The following AVEN variants were observed in gnomAD, a reference collection of about 807,000 sequenced individuals.
AVEN encodes cell death regulator Aven.
Under a neutral mutation model 38.1 loss-of-function variants are expected in AVEN, and 41 were observed. That is an observed-to-expected ratio of 1.08 (90% CI 0.84 to 1.40). AVEN has a LOEUF of 1.40. Ranked by LOEUF, AVEN falls within the 40% of genes most tolerant of loss-of-function variation. AVEN has a pLI of 0.00. For synonymous variants in AVEN, 206 were observed against 171.8 expected (o/e 1.20, Z -1.56); for missense variants, 605 against 438.8 (o/e 1.38, Z -3.38).
chr15:33,876,032 C>G, intron 2 of AVEN, 37 bp from the exon 3 acceptor site: 1 of 1,565,760 alleles, frequency 6.4e-7, no homozygotes, highest in Non-Finnish European at 8.7e-7. Flanking sequence ...TATGCAAAAG[C>G]CAACGGAAAC....
intron 2 of AVEN, among the ~76,000 whole-genome samples, chr15:33,886,916 G>A (rs1891726428): frequency 6.6e-6 from 1 of 152,292 alleles, no homozygotes; most frequent in East Asian, 1.9e-4. Context: ...GAGAACCAGA[G>A]CTCCTGCTAT....
intron 1 of AVEN, among the ~76,000 whole-genome samples, chr15:34,019,630 A>T (rs1270554779): frequency 6.6e-6 from 1 of 152,232 alleles, no homozygotes; most frequent in Non-Finnish European, 1.5e-5. Context: ...TCCTATACAC[A>T]GTAATTTTAC....
chr15:33,863,372 C>G (rs1257554483), downstream of AVEN, among the ~76,000 whole-genome samples: 1 of 152,192 alleles, frequency 6.6e-6, no homozygotes, highest in Non-Finnish European at 1.5e-5. Flanking sequence ...ACCTGACGCT[C>G]TATACACTAT....
chr15:33,894,835 T>G (rs200632793), intron 2 of AVEN, among the ~76,000 whole-genome samples: 1 of 38,564 alleles, frequency 2.6e-5, no homozygotes, highest in Non-Finnish European at 6.7e-5. Flanking sequence ...ATAACAATAA[T>G]AATAATAATA....
At chr15:33,929,936 T>C (rs1248976627) in intron 2 of AVEN, among the ~76,000 whole-genome samples, 2 of 152,258 alleles carry the variant, frequency 1.3e-5, no homozygotes, top group Admixed American at 6.5e-5. Context: ...GCTGATGAAA[T>C]AGAAGTATGC....
intron 2 of AVEN, among the ~76,000 whole-genome samples, chr15:33,955,150 T>C (rs1371653726): frequency 6.6e-6 from 1 of 152,240 alleles, no homozygotes; most frequent in African/African-American, 2.4e-5. Context: ...GAAAATACTA[T>C]ACAATCTTTG....
Position 33,914,761 on chromosome 15 carries a change from AT to A in AVEN, c.446-38767del, listed in dbSNP as rs914192704. Among the ~76,000 whole-genome samples the A allele has an allele frequency of 1.1e-4, 17 of 151,354 alleles. No individual in the cohort carries two copies. In the South Asian group the frequency reaches 1.7e-3, roughly 15 times the overall value. The stretch of plus-strand genomic sequence containing the variant: ...CTAGAAATACTGGTATGAACTCATG[AT>A]TTTTTTTTAAAAGTGTAGGTAGAGA... On this transcript the variant is annotated intron_variant, in intron 2 of 5. Coordinates refer to ENST00000306730, the MANE Select transcript of AVEN (RefSeq NM_020371.3).
At chr15:34,008,242 A>G (rs1897450890) in intron 1 of AVEN, among the ~76,000 whole-genome samples, 1 of 151,842 alleles carries the variant, frequency 6.6e-6, no homozygotes, top group Non-Finnish European at 1.5e-5. Context: ...GCAACATAGC[A>G]AGACCCTATC....
At chr15:33,914,380 A>C (rs981218261) in intron 2 of AVEN, among the ~76,000 whole-genome samples, 4 of 152,026 alleles carry the variant, frequency 2.6e-5, no homozygotes, top group Admixed American at 2.0e-4. Context: ...CCTGTACCTA[A>C]CCTATGATAA....
chr15:33,902,824 T>A (rs1307836216), intron 2 of AVEN, among the ~76,000 whole-genome samples: 1 of 151,172 alleles, frequency 6.6e-6, no homozygotes, highest in Non-Finnish European at 1.5e-5. Context: ...CATAAAAAAT[T>A]CTTAGGAATA....
downstream of AVEN, among the ~76,000 whole-genome samples, chr15:33,862,424 C>G (rs914132110): frequency 7.9e-5 from 12 of 151,672 alleles, no homozygotes; most frequent in African/African-American, 2.9e-4. Context: ...CCAGGCTGAT[C>G]TCGAACTCCT....
intron 2 of AVEN, among the ~76,000 whole-genome samples, chr15:33,903,989 T>C (rs1892589669): frequency 6.6e-6 from 1 of 152,210 alleles, no homozygotes. Context: ...GTATTTGTGT[T>C]TCTGAACATA....
intron 2 of AVEN, among the ~76,000 whole-genome samples, chr15:33,989,150 A>G (rs1332090003): frequency 7.1e-6 from 1 of 141,636 alleles, no homozygotes; most frequent in Non-Finnish European, 1.6e-5. Context: ...CCACACAAAC[A>G]CACACAAAAA....
intron 2 of AVEN, among the ~76,000 whole-genome samples, chr15:33,889,366 T>G (rs747712804): frequency 6.6e-6 from 1 of 152,202 alleles, no homozygotes; most frequent in Non-Finnish European, 1.5e-5. Context: ...TCCAGCAGAT[T>G]TCTTGCTTTT....
chr15:34,015,479 C>A (rs1272014077), intron 1 of AVEN, among the ~76,000 whole-genome samples: 1 of 148,780 alleles, frequency 6.7e-6, no homozygotes, highest in Non-Finnish European at 1.5e-5. Context: ...GAGACTCCAT[C>A]TCAAAAAATA....
intron 2 of AVEN, among the ~76,000 whole-genome samples, chr15:33,960,428 T>C (rs1895117481): frequency 1.4e-5 from 2 of 138,426 alleles, no homozygotes; most frequent in South Asian, 2.3e-4. Context: ...CTCGTGTGTG[T>C]GTGTGTTGTG....
intron 2 of AVEN, among the ~76,000 whole-genome samples, chr15:33,977,241 T>C (rs1274393843): frequency 6.6e-6 from 1 of 152,106 alleles, no homozygotes; most frequent in Non-Finnish European, 1.5e-5. Context: ...ACAGGGAAGC[T>C]TGCCTTTAGG....
intron 5 of AVEN, among the ~76,000 whole-genome samples, chr15:34,059,419 A>G (rs941696710): frequency 1.3e-5 from 2 of 152,148 alleles, no homozygotes; most frequent in Non-Finnish European, 2.9e-5. Flanking sequence ...TCATTTTACT[A>G]CTTCTCTCCG....
intron 2 of AVEN, among the ~76,000 whole-genome samples, chr15:33,936,992 A>C (rs545860550): frequency 6.6e-6 from 1 of 151,306 alleles, no homozygotes; most frequent in African/African-American, 2.4e-5. Flanking sequence ...TTAGCCGGGC[A>C]TGGTGGCGGG....
Sources: gnomAD v4.1 joint callset for allele counts (sites outside exome capture counted in the v4.1 genomes callset) on GRCh38, gnomAD v4.1.1 for gene constraint, MANE v1.5 for transcripts, NCBI Gene and HGNC (gene_info 2026-07-23, HGNC 2026-07-21) for gene names.